The following CIRSR variants were observed in gnomAD, a reference collection of about 807,000 sequenced individuals.
CIRSR encodes CBF1 (RBPJ) interacting corepressor 1.
chr2:174,359,391 A>G, the CIRSR span, among the ~76,000 whole-genome samples: 306 of 152,106 alleles, frequency 2.0e-3, no homozygotes, highest in African/African-American at 7.0e-3. Context: ...CTGAGTGACT[A>G]TGGTACTGTA....
the CIRSR span, among the ~76,000 whole-genome samples, chr2:174,379,518 A>G: frequency 1.3e-5 from 2 of 152,152 alleles, no homozygotes; most frequent in African/African-American, 4.8e-5. Context: ...GCCACAGCCA[A>G]TAAGTAAATG....
chr2:174,376,289 C>T, the CIRSR span, among the ~76,000 whole-genome samples: 3 of 152,168 alleles, frequency 2.0e-5, no homozygotes. Flanking sequence ...AAAAGAATCA[C>T]TAATATGTAG....
the CIRSR span, among the ~76,000 whole-genome samples, chr2:174,384,732 GA>G: frequency 6.7e-6 from 1 of 149,892 alleles, no homozygotes; most frequent in African/African-American, 2.4e-5. Context: ...CATTTATATT[GA>G]AAAAAAATAA....
chr2:174,348,606 T>G, the CIRSR span: 1 of 1,614,106 alleles, frequency 6.2e-7, no homozygotes, highest in Non-Finnish European at 8.5e-7. Flanking sequence ...TCTTCTGCTT[T>G]GCTCTTCACC....
At chr2:174,356,552 A>AAGGAAGG in the CIRSR span, among the ~76,000 whole-genome samples, 2 of 133,998 alleles carry the variant, frequency 1.5e-5, no homozygotes, top group Non-Finnish European at 3.2e-5. Context: ...GGAAGGAAGG[A>AAGGAAGG]AAGGAAGAAA....
the CIRSR span, among the ~76,000 whole-genome samples, chr2:174,389,162 T>C: frequency 2.6e-5 from 4 of 152,326 alleles, no homozygotes; most frequent in African/African-American, 7.2e-5. Context: ...ACTTTAGAAC[T>C]GGGTAACAGG....
At chr2:174,381,728 C>A in the CIRSR span, 1 of 1,595,138 alleles carries the variant, frequency 6.3e-7, no homozygotes, top group Non-Finnish European at 8.5e-7. Flanking sequence ...GGTGGGGCTT[C>A]ATACATGAAA....
chr2:174,348,549 A>G, the CIRSR span: 35 of 1,613,588 alleles, frequency 2.2e-5, no homozygotes, highest in Non-Finnish European at 2.8e-5. Flanking sequence ...CTCTCTGTAC[A>G]TTTTTTCTCC....
At chr2:174,349,539 T>A in the CIRSR span, among the ~76,000 whole-genome samples, 3 of 133,296 alleles carry the variant, frequency 2.3e-5, no homozygotes, top group South Asian at 7.3e-4. Context: ...CACTCCAGCT[T>A]GGGCAAAAGA....
chr2:174,390,929 A>G, the CIRSR span, among the ~76,000 whole-genome samples: 1 of 152,194 alleles, frequency 6.6e-6, no homozygotes, highest in Non-Finnish European at 1.5e-5. Context: ...GCAGAACTGC[A>G]AGTCAATTAA....
At chr2:174,357,241 T>G in the CIRSR span, among the ~76,000 whole-genome samples, 6 of 152,222 alleles carry the variant, frequency 3.9e-5, no homozygotes, top group African/African-American at 1.4e-4. Context: ...CATGTTTCTC[T>G]AGCTCTTATA....
chr2:174,351,844 A>ATT, the CIRSR span: 1 of 597,112 alleles, frequency 1.7e-6, no homozygotes, highest in Non-Finnish European at 2.8e-6. Flanking sequence ...TCAACTCAAT[A>ATT]ATCTTCTGCT....
At chr2:174,380,228 T>C in the CIRSR span, 2 of 1,599,306 alleles carry the variant, frequency 1.3e-6, no homozygotes, top group Non-Finnish European at 1.7e-6. Context: ...TGATCTCTGA[T>C]GTTCATGTCA....
chr2:174,395,426 G>A, the CIRSR span: 15 of 916,446 alleles, frequency 1.6e-5, no homozygotes, highest in South Asian at 2.2e-4. Flanking sequence ...AGACCACCAG[G>A]GCTTTAGGCC....
the CIRSR span, among the ~76,000 whole-genome samples, chr2:174,354,409 TTATA>T: frequency 2.2e-3 from 203 of 91,754 alleles, 3 homozygotes; most frequent in African/African-American, 8.8e-3. Flanking sequence ...ATTTTATATA[TTATA>T]TATAATATAT....
chr2:174,393,652 A>C, the CIRSR span, among the ~76,000 whole-genome samples: 1 of 150,996 alleles, frequency 6.6e-6, no homozygotes, highest in Non-Finnish European at 1.5e-5. Context: ...ACTCTTTTGC[A>C]CTCTTTGATC....
the CIRSR span, chr2:174,380,592 T>C: frequency 6.9e-7 from 1 of 1,439,954 alleles, no homozygotes; most frequent in East Asian, 2.3e-5. Context: ...TAAGATGGGA[T>C]ATCAGTAAAT....
chr2:174,355,862 C>T, the CIRSR span, among the ~76,000 whole-genome samples: 1 of 152,100 alleles, frequency 6.6e-6, no homozygotes. Context: ...ATGGCAGTCC[C>T]AGGGGAATGC....
the CIRSR span, among the ~76,000 whole-genome samples, chr2:174,369,121 C>CT: frequency 6.6e-6 from 1 of 152,206 alleles, no homozygotes; most frequent in South Asian, 2.1e-4. Context: ...CATTGAAACT[C>CT]TGTTGTTTAG....
Sources: allele counts gnomAD v4.1 joint callset (sites outside exome capture counted in the v4.1 genomes callset), GRCh38; gene constraint gnomAD v4.1.1; transcripts MANE v1.5; gene names NCBI Gene and HGNC (gene_info 2026-07-23, HGNC 2026-07-21).